Variants in PIGO observed in about 807,000 individuals in gnomAD.
PIGO encodes phosphatidylinositol glycan anchor biosynthesis class O.
In PIGO, 66 loss-of-function variants were observed where a neutral mutation model predicts 86.9. That is an observed-to-expected ratio of 0.76 (90% CI 0.62 to 0.93). The LOEUF is 0.93. Among genes scored for constraint, PIGO ranks in the 40% least tolerant of loss-of-function variants. The pLI is 0.00. For missense variants in PIGO, 1,202 were observed against 1,359.1 expected, an observed-to-expected ratio of 0.88 and a Z score of 1.82; for synonymous variants, 570 against 556.4, an observed-to-expected ratio of 1.02 and a Z score of -0.34.
chr9:35,092,589 C>G lies in PIGO; in HGVS notation c.1298G>C (p.Arg433Pro), dbSNP rs201911029. ...TVIAELQQFL[R>P]GARAMCIESW... Reference sequence around the variant, plus strand: ...CTCGATGCACATGGCCCGAGCTCCCCGCAGGAACTGCTGCAGCTCAGCAAT... The same window carrying G: ...CTCGATGCACATGGCCCGAGCTCCCGGCAGGAACTGCTGCAGCTCAGCAAT... The change falls in exon 7 of 11, where the codon CGG becomes CCG. Residue 433 changes from arginine (R) to proline (P), a missense_variant. Coordinates refer to ENST00000378617, the MANE Select transcript of PIGO (RefSeq NM_032634.4). The G allele has an allele frequency of 6.2e-7, 1 of 1,614,254 alleles. No individual in the cohort carries two copies. The highest frequency in any genetic ancestry group is 8.5e-7 in the Non-Finnish European group (1 of 1,180,046).
chr9:35,092,536 T>C lies in PIGO; in HGVS notation c.1351A>G (p.Met451Val), dbSNP rs1477371877. The change falls in exon 7 of 11, where the codon ATG (methionine) becomes GTG (valine). Residue 451 changes from methionine to valine, a missense_variant. Transcript: ENST00000378617. The stretch of plus-strand genomic sequence containing the variant: ...GCCAAGAGAGCAGTACCCCCCGCCA[T>C]GCGGACCAGAGAGAAACGAGCCCAA... Reference protein sequence around the residue: ...ESWARFSLVRMAGGTALLAAS... With the variant: ...ESWARFSLVRVAGGTALLAAS... The C allele has an allele frequency of 5.6e-6, 9 of 1,614,162 alleles. No homozygotes were observed. The highest frequency in any genetic ancestry group is 7.6e-6 in the Non-Finnish European group (9 of 1,180,002).
Position 35,091,941 on chromosome 9 carries a change from T to G in PIGO, c.1946A>C (p.His649Pro). The G allele has an allele frequency of 6.2e-7, 1 of 1,613,702 alleles. No individual in the cohort carries two copies. Among genetic ancestry groups the G allele is most frequent in the Non-Finnish European group, 8.5e-7 (1 of 1,179,922 alleles). Reference sequence around the variant, plus strand: ...CAGAGGACTCAGCCAGGGAGAGGAGTGGCAAACAGGTGTCTCTTCAGGGCA... The same window carrying G: ...CAGAGGACTCAGCCAGGGAGAGGAGGGGCAAACAGGTGTCTCTTCAGGGCA... Reference protein sequence around the residue: ...HRCPEETPVCHSSPWLSPLAS... With the variant: ...HRCPEETPVCPSSPWLSPLAS... The change falls in exon 7 of 11, where the codon CAC (histidine) becomes CCC (proline). Residue 649 changes from histidine to proline, a missense_variant. His to Pro is a moderately conservative substitution (Grantham distance 77). Transcript: ENST00000378617.
At position 35,088,789 on chromosome 9, in the gene PIGO, C is replaced by G. The variant is rs1314341955; in HGVS notation, c.*303G>C. On this transcript the variant is annotated 3_prime_UTR_variant, in exon 11 of 11. Coordinates refer to ENST00000378617, the MANE Select transcript of PIGO (RefSeq NM_032634.4). ...TGAACTCCTGGGACCAAGCAATCCT[C>G]CCACCTCTGCCTCCCAAAGTGCTGG... is the stretch of plus-strand genomic sequence containing the variant. 4 of 268,060 alleles carry G rather than the reference C, an allele frequency of 1.5e-5. No individual in the cohort carries two copies. The East Asian group carries it at 3.2e-4, about 22-fold the overall frequency. 16.6% of individuals were successfully genotyped at this position (268,060 alleles called of 1,614,324 possible). A position where few individuals can be genotyped will look rare whatever the true frequency, so the allele number is the denominator to read the frequency against.
Position 35,088,958 on chromosome 9 carries a change from G to T in PIGO, c.*134C>A. The T allele has an allele frequency of 1.6e-6, 2 of 1,233,694 alleles. No homozygotes were observed. Among genetic ancestry groups the T allele is most frequent in the Non-Finnish European group, 2.3e-6 (2 of 884,408 alleles). 76.4% of individuals were successfully genotyped at this position (1,233,694 alleles called of 1,614,324 possible). A position where few individuals can be genotyped will look rare whatever the true frequency, so the allele number is the denominator to read the frequency against. The stretch of plus-strand genomic sequence containing the variant: ...ATTATAGAATAATGAAGTCCTAGAT[G>T]TCAGCGGCCCCTGGCTGCATGATAG... On this transcript the variant is annotated 3_prime_UTR_variant, in exon 11 of 11. Coordinates refer to ENST00000378617, the MANE Select transcript of PIGO (RefSeq NM_032634.4).
Position 35,091,526 on chromosome 9 carries a change from G to C in PIGO, c.2361C>G (p.Pro787=), listed in dbSNP as rs144233446. The C allele has an allele frequency of 1.2e-6, 2 of 1,614,106 alleles. No individual in the cohort carries two copies. Among genetic ancestry groups the C allele is most frequent in the South Asian group, 1.1e-5 (1 of 91,084 alleles). ...CATAATCCAAGTCAGCTTGAGAAGT[G>C]GGGGGGCCTGAGAAGGGAGTGAGGA... ...RTVLTPFSGP[P]TSQADLDYVV... is the part of the protein sequence containing the mutation. Residue 787 remains proline (P), a synonymous_variant, in exon 7 of 11, where the codon CCC becomes CCG. Coordinates refer to ENST00000378617, the MANE Select transcript of PIGO (RefSeq NM_032634.4).
In PIGO at chr9:35,090,074, C is replaced by T. The variant is rs1006221471; in HGVS notation, c.3061G>A (p.Gly1021Ser). 6 of 1,613,126 alleles carry T rather than the reference C, an allele frequency of 3.7e-6. No homozygotes were observed. Among genetic ancestry groups the T allele is most frequent in the African/African-American group, 2.7e-5 (2 of 74,906 alleles). ...CTCTCTCCTACACCCACCTGAATAC[C>T]AAGGATAAAGAGGTACTTGAGGCCC... ...QLGLKYLFIL[G>S]IQILACALAA... Residue 1021 changes from glycine to serine, a missense_variant, in exon 9 of 11, where the codon GGT becomes AGT. Coordinates refer to ENST00000378617, the MANE Select transcript of PIGO (RefSeq NM_032634.4).
chr9:35,089,285 C>T, intron 10 of PIGO, 64 bp from the exon 11 acceptor site: 1 of 1,613,460 alleles, frequency 6.2e-7, no homozygotes, highest in Non-Finnish European at 8.5e-7. Context: ...CCTGTAGAGG[C>T]AAAACCTTGG....
In PIGO at chr9:35,092,055, G is replaced by A; in HGVS notation, c.1832C>T (p.Thr611Ile). Residue 611 changes from threonine (T) to isoleucine (I), a missense_variant, in exon 7 of 11, where the codon ACA becomes ATA. Coordinates refer to ENST00000378617, the MANE Select transcript of PIGO (RefSeq NM_032634.4). ...TMPRLGTSAT[T>I]NPPRHNGAYA... Reference sequence around the variant, plus strand: ...TGCACCATTGTGCCGTGGGGGGTTTGTTGTGGCTGAAGTGCCAAGGCGGGG... The same window carrying A: ...TGCACCATTGTGCCGTGGGGGGTTTATTGTGGCTGAAGTGCCAAGGCGGGG... 6.2e-7 allele frequency: 1 copy of A among 1,614,272 alleles called. No homozygotes were observed. The highest frequency in any genetic ancestry group is 8.5e-7 in the Non-Finnish European group (1 of 1,180,052).
chr9:35,092,838 G>A, intron 6 of PIGO, 71 bp from the exon 7 acceptor site: 1 of 1,443,458 alleles, frequency 6.9e-7, no homozygotes, highest in Admixed American at 2.2e-5. Flanking sequence ...GCAAGAATAG[G>A]TATTACAAAA....
At chr9:35,089,764 G>T in intron 9 of PIGO, 1 of 1,391,518 alleles carries the variant, frequency 7.2e-7, no homozygotes, top group Non-Finnish European at 9.3e-7. Flanking sequence ...CATGACCACA[G>T]TTTGGGAAGA....
rs41274877 is a variant in PIGO, at chr9:35,091,847, C to G, written c.2040G>C (p.Leu680=). 10,954 of 1,614,096 alleles carry G rather than the reference C, an allele frequency of 6.8e-3. 45 individuals carry two copies. Among genetic ancestry groups the G allele is most frequent in the Non-Finnish European group, 7.6e-3 (8,913 of 1,180,046 alleles). ...GAAGCCACAAGCGCACGGCAGCTAACAGGGCCACCAGCGCCGCCACACAAG... is the reference window on the plus strand; with the variant it reads ...GAAGCCACAAGCGCACGGCAGCTAAGAGGGCCACCAGCGCCGCCACACAAG... The part of the protein sequence containing the change: ...YGACVAALVA[L]LAAVRLWLRR... Residue 680 remains leucine (L), a synonymous_variant, in exon 7 of 11, where the codon CTG becomes CTC. Transcript: ENST00000378617.
intron 7 of PIGO, 88 bp from the exon 8 acceptor site, chr9:35,090,760 C>T (rs1382194326): frequency 5.6e-5 from 72 of 1,286,540 alleles, no homozygotes; most frequent in Non-Finnish European, 7.2e-5. Flanking sequence ...CCTACTACTT[C>T]AGTATCAATT....
At chr9:35,093,739 G>T in intron 4 of PIGO, 159 bp from the exon 5 acceptor site, 1 of 1,433,376 alleles carries the variant, frequency 7.0e-7, no homozygotes, top group Non-Finnish European at 9.4e-7. Flanking sequence ...TGATCCTGAT[G>T]CCCAAAGCTA....
At chr9:35,093,627 T>C (rs1829538517) in intron 4 of PIGO, 47 bp from the exon 5 acceptor site, 1 of 1,543,266 alleles carries the variant, frequency 6.5e-7, no homozygotes, top group African/African-American at 1.4e-5. Context: ...TAAATATTTT[T>C]CTCAAAAAGA....
chr9:35,089,648 T>C (rs1043962916), intron 9 of PIGO, 198 bp from the exon 10 acceptor site: 6 of 1,438,988 alleles, frequency 4.2e-6, no homozygotes, highest in Non-Finnish European at 5.4e-6. Flanking sequence ...ACTATGTGAC[T>C]TTGGGCAAGT....
At position 35,091,620 on chromosome 9, in the gene PIGO, G is replaced by C; in HGVS notation, c.2267C>G (p.Ala756Gly). The C allele has an allele frequency of 6.2e-7, 1 of 1,613,536 alleles. No homozygotes were observed. Among genetic ancestry groups the C allele is most frequent in the Non-Finnish European group, 8.5e-7 (1 of 1,180,034 alleles). The part of the protein sequence containing the change: ...AVAGLAASGL[A>G]LLLWKPVTVL... ...TGTCACAGGCTTCCAGAGCAGCAGC[G>C]CGAGCCCTGAAGCAGCCAGCCCTGC... is the stretch of plus-strand genomic sequence containing the variant. Residue 756 changes from alanine to glycine, a missense_variant, in exon 7 of 11, where the codon GCG becomes GGG. Ala to Gly is a moderately conservative substitution (Grantham distance 60, BLOSUM62 0). Coordinates refer to ENST00000378617, the MANE Select transcript of PIGO (RefSeq NM_032634.4).
chr9:35,091,119 G>A lies in PIGO; in HGVS notation c.2647+121C>T. 2.6e-6 allele frequency: 3 copies of A among 1,138,328 alleles called. No homozygotes were observed. The South Asian group carries it at 4.7e-5, about 18-fold the overall frequency. 70.5% of individuals were successfully genotyped at this position (1,138,328 alleles called of 1,614,324 possible). A position where few individuals can be genotyped will look rare whatever the true frequency, so the allele number is the denominator to read the frequency against. ...GGACACCAAGAAGACCTTCCTAGTT[G>A]TGTGGGGCATGGGACCCTCTGTCAA... On this transcript the variant is annotated intron_variant, in intron 7 of 10. Coordinates refer to ENST00000378617, the MANE Select transcript of PIGO (RefSeq NM_032634.4).
Position 35,090,162 on chromosome 9 carries a change from C to T in PIGO, c.2973G>A (p.Glu991=). Reference sequence around the variant, plus strand: ...CCCGGAGCCGCATCTCCATCAGTGGCTCCTCTTCCTCCTCGGGTCTGACTC... The same window carrying T: ...CCCGGAGCCGCATCTCCATCAGTGGTTCCTCTTCCTCCTCGGGTCTGACTC... ...DARVRPEEEE[E]PLMEMRLRDA... is the part of the protein sequence containing the mutation. Residue 991 remains glutamate, a synonymous_variant, in exon 9 of 11, where the codon GAG becomes GAA. Transcript: ENST00000378617. The T allele has an allele frequency of 1.2e-6, 2 of 1,614,250 alleles. No homozygotes were observed. Among genetic ancestry groups the T allele is most frequent in the Non-Finnish European group, 1.7e-6 (2 of 1,180,052 alleles).
Position 35,090,990 on chromosome 9 carries a change from G to A in PIGO, c.2647+250C>T. On this transcript the variant is annotated intron_variant, in intron 7 of 10. Transcript: ENST00000378617. Reference sequence around the variant, plus strand: ...CAAGAAATGTGCTCATGAGGATGCAGCATTTCCACAGGGAGTCTTAGAGGA... The same window carrying A: ...CAAGAAATGTGCTCATGAGGATGCAACATTTCCACAGGGAGTCTTAGAGGA... The A allele has an allele frequency of 8.7e-6, 5 of 574,918 alleles. No homozygotes were observed. The South Asian group carries it at 1.2e-4, about 13-fold the overall frequency. The allele number at this position is 574,918 out of a possible 1,614,324, so 35.6% of individuals were successfully genotyped here. A position where few individuals can be genotyped will look rare whatever the true frequency, so the allele number is the denominator to read the frequency against.
Sources: allele counts gnomAD v4.1 joint callset, GRCh38; gene constraint gnomAD v4.1.1; transcripts MANE v1.5; gene names NCBI Gene and HGNC (gene_info 2026-07-23, HGNC 2026-07-21).